Variants in FAM186A observed in about 807,000 individuals in gnomAD.
The protein encoded by FAM186A is family with sequence similarity 186 member A.
Under a neutral mutation model 216.8 loss-of-function variants are expected in FAM186A, and 163 were observed. That is an observed-to-expected ratio of 0.75 (90% confidence interval 0.66 to 0.86). The LOEUF (loss-of-function observed/expected upper bound fraction) is 0.86. Ranked by LOEUF, FAM186A falls within the 40% of genes least tolerant of loss-of-function variation. FAM186A has a pLI of 0.00. For missense variants in FAM186A, 2,184 were observed against 2,746.2 expected (o/e 0.80, Z 4.58); for synonymous variants, 805 against 1,025.3 (o/e 0.79, Z 4.10).
intron 1 of FAM186A, among the ~76,000 whole-genome samples, chr12:50,381,728 G>A (rs1943255181): frequency 1.3e-5 from 2 of 152,148 alleles, no homozygotes; most frequent in African/African-American, 4.8e-5. Flanking sequence ...GGAAGGCCAA[G>A]GTGGGAAGAT....
intron 1 of FAM186A, among the ~76,000 whole-genome samples, chr12:50,378,313 G>A (rs1182527970): frequency 6.6e-6 from 1 of 151,262 alleles, no homozygotes; most frequent in African/African-American, 2.4e-5. Flanking sequence ...GGTGGATCAC[G>A]AGGTCAGAAG....
intron 1 of FAM186A, among the ~76,000 whole-genome samples, chr12:50,393,529 G>C (rs1198392031): frequency 6.6e-6 from 1 of 150,782 alleles, no homozygotes; most frequent in Non-Finnish European, 1.5e-5. Context: ...GTGTCAGAGC[G>C]AGACTCCATC....
chr12:50,372,476 C>G (rs1943150657), intron 1 of FAM186A, among the ~76,000 whole-genome samples: 1 of 151,842 alleles, frequency 6.6e-6, no homozygotes, highest in African/African-American at 2.4e-5. Context: ...CACCTGTAAT[C>G]CCAGCTACTT....
chr12:50,348,038 ATTTTTTTTT>A (rs71083540), intron 4 of FAM186A, among the ~76,000 whole-genome samples: 1 of 81,340 alleles, frequency 1.2e-5, no homozygotes, highest in African/African-American at 5.0e-5. Context: ...ATGCCTGGTA[ATTTTTTTTT>A]TTTTTTTTTT....
In FAM186A at chr12:50,351,083, C is replaced by G. The variant is rs769231998; in HGVS notation, c.5749G>C (p.Gly1917Arg). 3 of 1,551,450 alleles carry G rather than the reference C, an allele frequency of 1.9e-6. No individual in the cohort carries two copies. The South Asian group carries it at 3.6e-5, about 18-fold the overall frequency. ...GGGATCCATAATGAAGAAGCTCGCC[C>G]AGGAAGGGTCCATGTTGCCAGATGC... ...GQHLATWTLP[G>R]RASSLWIPPT... The change falls in exon 4 of 8, where the codon GGG becomes CGG. Residue 1917 changes from glycine (G) to arginine (R), a missense_variant. Physicochemically the swap from Gly to Arg is moderately radical, Grantham distance 125 (BLOSUM62 -2). Coordinates refer to ENST00000327337, the MANE Select transcript of FAM186A (RefSeq NM_001145475.3).
chr12:50,334,928 C>G (rs1942693081), intron 4 of FAM186A, among the ~76,000 whole-genome samples: 1 of 152,096 alleles, frequency 6.6e-6, no homozygotes, highest in African/African-American at 2.4e-5. Context: ...CACAAAATTT[C>G]CAGTGTTAAA....
intron 3 of FAM186A, among the ~76,000 whole-genome samples, chr12:50,359,461 A>G (rs907519297): frequency 7.2e-5 from 11 of 152,214 alleles, no homozygotes; most frequent in Non-Finnish European, 1.5e-4. Flanking sequence ...ACCTGTGTAC[A>G]TTGCTGATGA....
chr12:50,330,404 C>A (rs1308416204), intron 7 of FAM186A, among the ~76,000 whole-genome samples, 169 bp downstream of exon 7: 1 of 152,170 alleles, frequency 6.6e-6, no homozygotes, highest in African/African-American at 2.4e-5. Context: ...CACTAACAGA[C>A]TAATGCTGAA....
intron 1 of FAM186A, among the ~76,000 whole-genome samples, chr12:50,372,258 T>G (rs1304910439): frequency 1.3e-5 from 2 of 151,844 alleles, no homozygotes; most frequent in Admixed American, 1.3e-4. Flanking sequence ...CCAAGCCAAG[T>G]GATAAAGAAT....
chr12:50,380,413 C>T (rs186797726), intron 1 of FAM186A, among the ~76,000 whole-genome samples: 8 of 150,776 alleles, frequency 5.3e-5, no homozygotes, highest in African/African-American at 1.9e-4. Context: ...CGGTGGCTCA[C>T]GTCTGTAATC....
chr12:50,355,034 G>T lies in FAM186A; in HGVS notation c.1798C>A (p.Pro600Thr). The T allele has an allele frequency of 6.4e-7, 1 of 1,551,516 alleles. No individual in the cohort carries two copies. The highest frequency in any genetic ancestry group is 2.4e-5 in the East Asian group (1 of 40,918). ...TTTCCTTTTATTTTTCCTTTCTGTG[G>T]CTCAGCAGTATCATCAAATTGGATC... ...SMIQFDDTAE[P>T]QKGKIKGKKH... The change falls in exon 4 of 8, where the codon CCA becomes ACA. Residue 600 changes from proline (P) to threonine (T), a missense_variant. Physicochemically the swap from Pro to Thr is conservative, Grantham distance 38 (BLOSUM62 -1). This residue lies in a region of FAM186A where 1,132 missense variants were observed against 1,263.4 expected (regional missense o/e 0.90). Coordinates refer to ENST00000327337, the MANE Select transcript of FAM186A (RefSeq NM_001145475.3).
At position 50,331,673 on chromosome 12, in the gene FAM186A, A is replaced by T; in HGVS notation, c.6845T>A (p.Phe2282Tyr). 6.5e-7 allele frequency: 1 copy of T among 1,538,616 alleles called. No individual in the cohort carries two copies. The highest frequency in any genetic ancestry group is 8.7e-7 in the Non-Finnish European group (1 of 1,144,284). ...TATCAGTCTTTCTAGCACATACCTA[A>T]ATTTCTTGCATATGTCAGAGGTTCT... ...EDRTSDICKK[F>Y]RQQEDQTEAI... The change falls in exon 6 of 8, where the codon TTT (phenylalanine) becomes TAT (tyrosine). Residue 2282 changes from phenylalanine (F) to tyrosine (Y), a missense_variant. Transcript: ENST00000327337.
chr12:50,368,951 A>G (rs576819475), intron 1 of FAM186A, among the ~76,000 whole-genome samples: 2 of 150,282 alleles, frequency 1.3e-5, no homozygotes, highest in Admixed American at 1.3e-4. Flanking sequence ...TCCAATGAGG[A>G]AAGGACAGTC....
chr12:50,333,365 C>G (rs1942675114), intron 5 of FAM186A, among the ~76,000 whole-genome samples: 1 of 152,010 alleles, frequency 6.6e-6, no homozygotes, highest in South Asian at 2.1e-4. Context: ...AACCCCATCT[C>G]TACTAAAAAT....
chr12:50,350,620 G>A lies in FAM186A; in HGVS notation c.6212C>T (p.Pro2071Leu), dbSNP rs1237977585. 1.9e-6 allele frequency: 3 copies of A among 1,551,536 alleles called. No individual in the cohort carries two copies. The highest frequency in any genetic ancestry group is 2.6e-6 in the Non-Finnish European group (3 of 1,146,988). ...PLEWYQKSRFPPIDKPWILSS... is the reference protein window; with the variant it reads ...PLEWYQKSRFLPIDKPWILSS... The stretch of plus-strand genomic sequence containing the variant: ...CAGTATCCAGGGCTTGTCTATAGGA[G>A]GGAATCGGGATTTCTGGTACCATTC... The change falls in exon 4 of 8, where the codon CCT (proline) becomes CTT (leucine). Residue 2071 changes from proline to leucine, a missense_variant. Coordinates refer to ENST00000327337, the MANE Select transcript of FAM186A (RefSeq NM_001145475.3).
intron 4 of FAM186A, 73 bp from the exon 5 acceptor site, chr12:50,334,176 T>C: frequency 2.2e-6 from 1 of 451,266 alleles, no homozygotes; most frequent in Non-Finnish European, 3.2e-6. Flanking sequence ...CCTCAGTTTC[T>C]TTTTTTTTTT....
In FAM186A at chr12:50,394,732, C is replaced by CTTTTTTTTTT. The variant is rs71083561; in HGVS notation, c.192+1551_192+1560dup. Among the ~76,000 whole-genome samples the CTTTTTTTTTT allele has an allele frequency of 2.2e-3, 64 of 29,406 alleles. 16 individuals are homozygous for CTTTTTTTTTT. The highest frequency in any genetic ancestry group is 6.7e-3 in the African/African-American group (43 of 6,442). The allele number at this position is 29,406 out of a possible 152,430, so 19.3% of individuals were successfully genotyped here. On this transcript the variant is annotated intron_variant, in intron 1 of 7. Coordinates refer to ENST00000327337, the MANE Select transcript of FAM186A (RefSeq NM_001145475.3). ...TGAGCCACTGTGCCTGGCTAACACT[C>CTTTTTTTTTT]TTTTTTTTTTTTTTTTTTTTTTTTT...
rs968795151 is a variant in FAM186A, at chr12:50,355,002, G to A, written c.1830C>T (p.His610=). The part of the protein sequence containing the change: ...PQKGKIKGKK[H]HISSGTITSK... ...TTGTGATAGTTCCTGAAGAGATATGGTGTTTCTTTCCTTTTATTTTTCCTT... is the reference window on the plus strand; with the variant it reads ...TTGTGATAGTTCCTGAAGAGATATGATGTTTCTTTCCTTTTATTTTTCCTT... The change falls in exon 4 of 8, where the codon CAC becomes CAT. Residue 610 remains histidine, a synonymous_variant. Coordinates refer to ENST00000327337, the MANE Select transcript of FAM186A (RefSeq NM_001145475.3). 3 of 1,551,404 alleles carry A rather than the reference G, an allele frequency of 1.9e-6. No individual in the cohort carries two copies. The highest frequency in any genetic ancestry group is 2.6e-6 in the Non-Finnish European group (3 of 1,146,972).
intron 4 of FAM186A, among the ~76,000 whole-genome samples, chr12:50,341,151 G>C (rs1056356720): frequency 1.3e-5 from 2 of 152,078 alleles, no homozygotes; most frequent in African/African-American, 2.4e-5. Context: ...ATATTTCACC[G>C]ATCATGAGGG....
Sources: gnomAD v4.1 joint callset for allele counts (sites outside exome capture counted in the v4.1 genomes callset) on GRCh38, gnomAD v4.1.1 for gene constraint, gnomAD v4.1.1 regional missense constraint, MANE v1.5 for transcripts, NCBI Gene and HGNC (gene_info 2026-07-23, HGNC 2026-07-21) for gene names.